KAZN: variants seen among roughly 807,000 people sequenced by gnomAD.
The protein encoded by KAZN is kazrin.
Under a neutral mutation model 87.4 loss-of-function variants are expected in KAZN, and 40 were observed. The ratio of observed to expected loss-of-function variants is 0.46; its 90% CI spans 0.36 to 0.60. The LOEUF is 0.60. KAZN is among the 20% of genes least tolerant of loss of function. KAZN has a pLI of 0.00. For missense variants in KAZN, 898 were observed against 1,073.9 expected (o/e 0.84, Z 2.29); for synonymous variants, 466 against 458.3 (o/e 1.02, Z -0.22).
chr1:14,320,843 G>A (rs1367334775), intron 2 of KAZN, among the ~76,000 whole-genome samples: 1 of 152,192 alleles, frequency 6.6e-6, no homozygotes, highest in Non-Finnish European at 1.5e-5. Context: ...TTTGGGTTGA[G>A]TCACTCAGCT....
At chr1:14,634,402 G>T (rs1382392332) in intron 1 of KAZN, among the ~76,000 whole-genome samples, 2 of 152,208 alleles carry the variant, frequency 1.3e-5, no homozygotes, top group Non-Finnish European at 2.9e-5. Flanking sequence ...TTTAAAAATG[G>T]ATGATACGTT....
chr1:14,928,833 C>A (rs1302893815), intron 1 of KAZN, among the ~76,000 whole-genome samples: 1 of 152,208 alleles, frequency 6.6e-6, no homozygotes, highest in Non-Finnish European at 1.5e-5. Flanking sequence ...TGCTGAGATC[C>A]ATTTCCCTGA....
chr1:14,783,419 C>T (rs1024547833), intron 1 of KAZN, among the ~76,000 whole-genome samples: 1 of 152,078 alleles, frequency 6.6e-6, no homozygotes, highest in Non-Finnish European at 1.5e-5. Flanking sequence ...ACGGTGACCC[C>T]GAGAAGCCAA....
chr1:13,972,467 C>A (rs972030653), intron 1 of KAZN, among the ~76,000 whole-genome samples: 2 of 152,040 alleles, frequency 1.3e-5, no homozygotes, highest in African/African-American at 4.8e-5. Flanking sequence ...TGCTATGAGC[C>A]CAACAGCCAG....
At chr1:14,493,116 G>T (rs1669767791) in intron 2 of KAZN, among the ~76,000 whole-genome samples, 1 of 152,120 alleles carries the variant, frequency 6.6e-6, no homozygotes, top group South Asian at 2.1e-4. Context: ...AGGAAGGCGT[G>T]CCCCTCCCTC....
intron 1 of KAZN, among the ~76,000 whole-genome samples, chr1:14,956,043 C>A (rs981414253): frequency 6.6e-6 from 1 of 152,132 alleles, no homozygotes; most frequent in African/African-American, 2.4e-5. Flanking sequence ...TCTAACTGTG[C>A]GTCTAGGGGT....
intron 2 of KAZN, among the ~76,000 whole-genome samples, chr1:14,361,613 A>C (rs1659519733): frequency 6.6e-6 from 1 of 152,204 alleles, no homozygotes; most frequent in Non-Finnish European, 1.5e-5. Context: ...GTGGGTTGTG[A>C]AGACCATGGG....
In KAZN at chr1:15,050,164, A is replaced by G. The variant is rs868441040; in HGVS notation, c.727-5927A>G. On this transcript the variant is annotated intron_variant, in intron 4 of 14. Coordinates refer to ENST00000376030, the MANE Select transcript of KAZN (RefSeq NM_201628.3). ...ATAGAATAATAGAATAGAATGGAAT[A>G]GAATAGAATAGAATAGAATAGAATA... 3.9e-4 allele frequency among the ~76,000 whole-genome samples: 27 copies of G among 68,838 alleles called. 1 individual carries two copies. The highest frequency in any genetic ancestry group is 3.7e-3 in the Admixed American group (24 of 6,524). The allele number at this position is 68,838 out of a possible 152,430, so 45.2% of individuals were successfully genotyped here.
At chr1:14,434,952 G>A (rs903075690) in intron 2 of KAZN, among the ~76,000 whole-genome samples, 2 of 152,076 alleles carry the variant, frequency 1.3e-5, no homozygotes, top group African/African-American at 4.8e-5. Context: ...GTGCAAAGAG[G>A]TCTCATCCTA....
rs12030170 is a variant in KAZN at position 15,070,033 on chromosome 1, C to G, written c.1222+4280C>G. Among the ~76,000 whole-genome samples the G allele has an allele frequency of 8.1e-3, 1,240 of 152,318 alleles. 28 individuals are homozygous for G. The highest frequency in any genetic ancestry group is 0.073 in the East Asian group (379 of 5,182). On this transcript the variant is annotated intron_variant, in intron 8 of 14. Transcript: ENST00000376030. Reference sequence around the variant, plus strand: ...AGCCTGTCATTGATGAGAAAACAGACGTTGAGTAACTCATCTGAGGTCATG... The same window carrying G: ...AGCCTGTCATTGATGAGAAAACAGAGGTTGAGTAACTCATCTGAGGTCATG...
chr1:14,357,751 C>G (rs763536326), intron 2 of KAZN, among the ~76,000 whole-genome samples: 2 of 152,110 alleles, frequency 1.3e-5, no homozygotes, highest in Non-Finnish European at 2.9e-5. Flanking sequence ...GTTGAACCAG[C>G]CTTGCATCCC....
chr1:14,694,616 G>A (rs114407795), intron 1 of KAZN, among the ~76,000 whole-genome samples: 1 of 152,330 alleles, frequency 6.6e-6, no homozygotes, highest in African/African-American at 2.4e-5. Context: ...TTGGCCAGAG[G>A]AAAGTTGGTG....
intron 1 of KAZN, among the ~76,000 whole-genome samples, chr1:14,804,856 A>G (rs1044392852): frequency 6.6e-6 from 1 of 152,138 alleles, no homozygotes; most frequent in Admixed American, 6.5e-5. Context: ...GGACCCCTGG[A>G]GGAACTCCCC....
intron 1 of KAZN, among the ~76,000 whole-genome samples, chr1:14,688,189 G>T (rs1572226997): frequency 1.3e-5 from 2 of 152,218 alleles, no homozygotes; most frequent in East Asian, 1.9e-4. Context: ...TTACAGACAG[G>T]CTGCCATTTC....
At chr1:15,065,027 C>CTTTTT (rs780410306) in intron 7 of KAZN, among the ~76,000 whole-genome samples, 1,214 of 102,564 alleles carry the variant, frequency 0.012, 3 homozygotes, top group Non-Finnish European at 0.016. Flanking sequence ...CTTTTTCTTT[C>CTTTTT]TTTTTTTTTT....
intron 14 of KAZN, 100 bp from the exon 15 acceptor site, chr1:15,114,367 TACTC>T (rs2100760989): frequency 3.3e-6 from 3 of 916,490 alleles, no homozygotes; most frequent in African/African-American, 1.7e-5. Flanking sequence ...TTAAGTAAGT[TACTC>T]AATCACAGAG....
chr1:14,596,308 GCACACACACACA>G (rs56758780), upstream of KAZN, among the ~76,000 whole-genome samples: 13 of 150,190 alleles, frequency 8.7e-5, no homozygotes, highest in Non-Finnish European at 1.5e-4. Flanking sequence ...ACACGTGTGC[GCACACACACACA>G]CACACACACA....
intron 1 of KAZN, among the ~76,000 whole-genome samples, chr1:14,742,820 T>G (rs1340328104): frequency 6.6e-6 from 1 of 152,172 alleles, no homozygotes; most frequent in Non-Finnish European, 1.5e-5. Flanking sequence ...GCCAGGGATG[T>G]AGAAGTGACC....
chr1:14,483,147 C>T (rs1278673098), intron 2 of KAZN, among the ~76,000 whole-genome samples: 1 of 152,164 alleles, frequency 6.6e-6, no homozygotes, highest in African/African-American at 2.4e-5. Context: ...GCTAGAATCC[C>T]TCAGGATCTC....
Sources: gnomAD v4.1 joint callset for allele counts (sites outside exome capture counted in the v4.1 genomes callset) on GRCh38, gnomAD v4.1.1 for gene constraint, MANE v1.5 for transcripts, NCBI Gene and HGNC (gene_info 2026-07-23, HGNC 2026-07-21) for gene names.